Variants in SMG6 observed in about 807,000 individuals in gnomAD.
The protein encoded by SMG6 is telomerase-binding protein EST1A.
In SMG6, 66 loss-of-function variants were observed where a neutral mutation model predicts 142.2. The ratio of observed to expected loss-of-function variants is 0.46; its 90% CI spans 0.38 to 0.57. SMG6 has a LOEUF of 0.57. SMG6 is among the 20% of genes least tolerant of loss of function. The probability of loss-of-function intolerance (pLI) is 0.00; values close to 1 mark genes in which losing one functional copy is unlikely to be tolerated. For missense variants in SMG6, 1,793 were observed against 1,832.0 expected (o/e 0.98, Z 0.39); for synonymous variants, 779 against 702.4 (o/e 1.11, Z -1.72).
intron 9 of SMG6, chr17:2,237,449 T>G: frequency 1.1e-6 from 1 of 899,274 alleles, no homozygotes; most frequent in Non-Finnish European, 1.3e-6. Flanking sequence ...TCACACTGAC[T>G]GTTCCGCCTA....
At chr17:2,219,482 C>A (rs1303775175) in intron 10 of SMG6, among the ~76,000 whole-genome samples, 1 of 151,864 alleles carries the variant, frequency 6.6e-6, no homozygotes, top group East Asian at 2.0e-4. Flanking sequence ...TAAGCTGATA[C>A]ACCTTCTTCA....
chr17:2,241,791 G>A (rs2073808185), intron 9 of SMG6, among the ~76,000 whole-genome samples: 1 of 152,220 alleles, frequency 6.6e-6, no homozygotes, highest in African/African-American at 2.4e-5. Context: ...AAATCAGGGT[G>A]TTTAGCTACT....
At chr17:2,244,833 G>C (rs1302772947) in intron 8 of SMG6, 114 bp from the exon 9 acceptor site, 1 of 841,410 alleles carries the variant, frequency 1.2e-6, no homozygotes, top group Non-Finnish European at 1.9e-6. Flanking sequence ...GTGGGCACTA[G>C]GGATGGGAAC....
chr17:2,079,725 GC>G, intron 15 of SMG6, among the ~76,000 whole-genome samples: 1 of 152,332 alleles, frequency 6.6e-6, no homozygotes, highest in East Asian at 1.9e-4. Flanking sequence ...AATGGATGAT[GC>G]TGGTAGAGGT....
chr17:2,216,302 T>G (rs1029996922), intron 10 of SMG6, among the ~76,000 whole-genome samples: 1 of 151,998 alleles, frequency 6.6e-6, no homozygotes, highest in African/African-American at 2.4e-5. Flanking sequence ...TTTTACAGAT[T>G]TGGCTTTCTA....
chr17:2,147,604 C>G (rs1015786093), intron 13 of SMG6, among the ~76,000 whole-genome samples: 8 of 152,014 alleles, frequency 5.3e-5, no homozygotes, highest in African/African-American at 1.9e-4. Flanking sequence ...ACATCTGACA[C>G]CTTAATGCTC....
chr17:2,276,624 G>A (rs781667512), intron 8 of SMG6, among the ~76,000 whole-genome samples: 4 of 152,138 alleles, frequency 2.6e-5, no homozygotes, highest in Non-Finnish European at 5.9e-5. Context: ...AACCTCAGGT[G>A]ATCCACCCAC....
At chr17:2,117,744 G>A (rs1238249372) in intron 13 of SMG6, 1 of 152,068 alleles carries the variant, frequency 6.6e-6, no homozygotes, top group Non-Finnish European at 1.5e-5. Flanking sequence ...GGATTCTAGC[G>A]TTTGTCGTAA....
At chr17:2,176,225 G>C (rs1362947516) in intron 12 of SMG6, among the ~76,000 whole-genome samples, 1 of 152,168 alleles carries the variant, frequency 6.6e-6, no homozygotes. Context: ...GAAAAGCTTA[G>C]CTTTTTCCTG....
chr17:2,112,524 AAAAT>A (rs141512888), intron 13 of SMG6, among the ~76,000 whole-genome samples: 85,532 of 139,356 alleles, frequency 0.61, 26,458 homozygotes, highest in East Asian at 0.79. Flanking sequence ...AATAAAATAA[AAAAT>A]AAATAAATAA....
intron 8 of SMG6, among the ~76,000 whole-genome samples, chr17:2,272,922 T>C (rs1055712063): frequency 1.3e-5 from 2 of 150,758 alleles, no homozygotes; most frequent in African/African-American, 4.9e-5. Context: ...AGAGAGAAAC[T>C]CTGTCTCAAA....
intron 10 of SMG6, among the ~76,000 whole-genome samples, chr17:2,219,671 C>T (rs1348513139): frequency 1.3e-5 from 2 of 151,788 alleles, no homozygotes; most frequent in African/African-American, 4.8e-5. Flanking sequence ...TGCCTGTAGT[C>T]CCATCTACCT....
chr17:2,245,391 GTTT>G (rs1254486358), intron 8 of SMG6, among the ~76,000 whole-genome samples: 1 of 151,962 alleles, frequency 6.6e-6, no homozygotes, highest in East Asian at 1.9e-4. Flanking sequence ...GGGTTTTTTT[GTTT>G]TTGTTTTTTG....
intron 13 of SMG6, among the ~76,000 whole-genome samples, chr17:2,142,888 CAAAAAAAAAA>C (rs1164289108): frequency 1.9e-5 from 1 of 52,508 alleles, no homozygotes; most frequent in African/African-American, 8.4e-5. Flanking sequence ...AACACTGTCT[CAAAAAAAAAA>C]AAAAAAAAAA....
intron 10 of SMG6, among the ~76,000 whole-genome samples, chr17:2,219,976 C>T (rs934966252): frequency 9.2e-5 from 14 of 152,144 alleles, no homozygotes; most frequent in African/African-American, 3.4e-4. Context: ...GGCTGGAATG[C>T]AATGGCATGA....
At chr17:2,146,308 T>C (rs981317953) in intron 13 of SMG6, among the ~76,000 whole-genome samples, 1 of 152,144 alleles carries the variant, frequency 6.6e-6, no homozygotes, top group Non-Finnish European at 1.5e-5. Context: ...TGAGCAGACT[T>C]TGTGACCATT....
chr17:2,110,679 G>C (rs1186743202), intron 13 of SMG6, among the ~76,000 whole-genome samples: 2 of 152,148 alleles, frequency 1.3e-5, no homozygotes, highest in Non-Finnish European at 2.9e-5. Context: ...AAGTCCAACA[G>C]GCCTGGGAGA....
intron 10 of SMG6, among the ~76,000 whole-genome samples, chr17:2,213,138 T>C (rs562506805): frequency 2.6e-5 from 4 of 152,192 alleles, no homozygotes; most frequent in Non-Finnish European, 4.4e-5. Context: ...GCCTAAACCA[T>C]AGGATCTTTT....
At chr17:2,261,586 C>T (rs2074315439) in intron 8 of SMG6, among the ~76,000 whole-genome samples, 2 of 152,194 alleles carry the variant, frequency 1.3e-5, no homozygotes, top group African/African-American at 4.8e-5. Flanking sequence ...TATTCTAACT[C>T]TGAGGTGGTA....
Sources: gnomAD v4.1 joint callset for allele counts (sites outside exome capture counted in the v4.1 genomes callset) on GRCh38, gnomAD v4.1.1 for gene constraint, MANE v1.5 for transcripts, NCBI Gene and HGNC (gene_info 2026-07-23, HGNC 2026-07-21) for gene names.